The following NRG3 variants were observed in gnomAD, a reference collection of about 807,000 sequenced individuals.
The protein encoded by NRG3 is pro-neuregulin-3, membrane-bound isoform.
Under a neutral mutation model 66.9 loss-of-function variants are expected in NRG3, and 31 were observed. The observed-to-expected ratio is 0.46, with a 90% confidence interval of 0.35 to 0.63. The LOEUF (loss-of-function observed/expected upper bound fraction) is 0.63. Ranked by LOEUF, NRG3 falls within the 20% of genes least tolerant of loss-of-function variation. The probability of loss-of-function intolerance (pLI) is 0.00; values close to 1 mark genes in which losing one functional copy is unlikely to be tolerated. For synonymous variants in NRG3, 393 were observed against 359.4 expected (o/e 1.09, Z -1.06); for missense variants, 910 against 878.9 (o/e 1.04, Z -0.45).
chr10:82,678,677 T>C (rs542966997), intron 2 of NRG3, among the ~76,000 whole-genome samples: 130 of 152,194 alleles, frequency 8.5e-4, no homozygotes, highest in African/African-American at 3.0e-3. Flanking sequence ...CATTCTTAGA[T>C]TGGGGGCCCC....
intron 4 of NRG3, among the ~76,000 whole-genome samples, chr10:82,881,382 CTGT>C (rs1179281686): frequency 6.6e-6 from 1 of 152,224 alleles, no homozygotes; most frequent in Non-Finnish European, 1.5e-5. Context: ...GTAATAACAG[CTGT>C]GTCTTTATCT....
chr10:82,517,081 G>A (rs974622547), intron 2 of NRG3, among the ~76,000 whole-genome samples: 2 of 151,932 alleles, frequency 1.3e-5, no homozygotes, highest in Non-Finnish European at 2.9e-5. Flanking sequence ...GAATTTCAGT[G>A]AAAATACTTT....
chr10:82,980,564 T>A (rs1034707294), intron 8 of NRG3, among the ~76,000 whole-genome samples: 5 of 152,210 alleles, frequency 3.3e-5, no homozygotes, highest in African/African-American at 1.2e-4. Flanking sequence ...GGGTTACGTC[T>A]AGCACAGAGC....
At chr10:82,564,313 C>T (rs1215992620) in intron 2 of NRG3, among the ~76,000 whole-genome samples, 1 of 152,086 alleles carries the variant, frequency 6.6e-6, no homozygotes, top group Non-Finnish European at 1.5e-5. Flanking sequence ...TTGCATATTT[C>T]TTTGGATGGA....
At chr10:82,617,319 CAT>C (rs1216137311) in intron 2 of NRG3, among the ~76,000 whole-genome samples, 10 of 150,314 alleles carry the variant, frequency 6.7e-5, no homozygotes, top group Non-Finnish European at 1.5e-4. Context: ...CACACGCACA[CAT>C]AGACACACAC....
chr10:82,167,631 C>T (rs2072193604), intron 1 of NRG3, among the ~76,000 whole-genome samples: 1 of 152,070 alleles, frequency 6.6e-6, no homozygotes, highest in African/African-American at 2.4e-5. Context: ...TATCTCCTAG[C>T]ACACATGGGC....
At chr10:82,233,831 C>T (rs896109985) in intron 1 of NRG3, among the ~76,000 whole-genome samples, 1 of 152,124 alleles carries the variant, frequency 6.6e-6, no homozygotes, top group African/African-American at 2.4e-5. Context: ...CATTTAAGAA[C>T]CTTTTAACCA....
intron 2 of NRG3, among the ~76,000 whole-genome samples, chr10:82,398,942 C>T (rs925878622): frequency 6.6e-6 from 1 of 152,106 alleles, no homozygotes; most frequent in Admixed American, 6.6e-5. Context: ...GCAGGATACA[C>T]CAATTGCTTA....
chr10:82,321,877 T>C (rs772146452), intron 1 of NRG3, among the ~76,000 whole-genome samples: 7 of 152,226 alleles, frequency 4.6e-5, no homozygotes, highest in Non-Finnish European at 8.8e-5. Flanking sequence ...GTATTCTTGT[T>C]GGGCAGTCAC....
chr10:82,192,649 A>G (rs771373790), intron 1 of NRG3, among the ~76,000 whole-genome samples: 10 of 152,126 alleles, frequency 6.6e-5, no homozygotes, highest in Non-Finnish European at 1.0e-4. Flanking sequence ...TTATTTGTCT[A>G]TCTAGATGAA....
At chr10:82,358,248 A>C (rs1456402179) in intron 1 of NRG3, among the ~76,000 whole-genome samples, 1 of 151,732 alleles carries the variant, frequency 6.6e-6, no homozygotes, top group Non-Finnish European at 1.5e-5. Flanking sequence ...AAGTGAAAGA[A>C]TAATTGGCTT....
At chr10:82,015,284 C>G (rs79499764) in intron 1 of NRG3, among the ~76,000 whole-genome samples, 1 of 152,116 alleles carries the variant, frequency 6.6e-6, no homozygotes, top group Non-Finnish European at 1.5e-5. Context: ...ACCTTTGGAA[C>G]ATGTAATGTA....
At chr10:82,531,709 C>A (rs879649362) in intron 2 of NRG3, among the ~76,000 whole-genome samples, 1 of 151,802 alleles carries the variant, frequency 6.6e-6, no homozygotes, top group Non-Finnish European at 1.5e-5. Flanking sequence ...CACATGTACT[C>A]TCAACAAATA....
At chr10:82,951,601 G>T (rs752844617) in intron 5 of NRG3, 30 bp downstream of exon 5, 16 of 1,581,436 alleles carry the variant, frequency 1.0e-5, no homozygotes, top group African/African-American at 6.7e-5. Context: ...GTGTTTAAAG[G>T]TTACTTTTAG....
chr10:82,132,549 C>CATATATATATGATATATATGATATATA (rs1554831283), intron 1 of NRG3, among the ~76,000 whole-genome samples: 6 of 16,382 alleles, frequency 3.7e-4, no homozygotes, highest in Non-Finnish European at 8.1e-4. Flanking sequence ...ATATATATAT[C>CATATATATATGATATATATGATATATA]TTTGTCTGGT....
intron 4 of NRG3, among the ~76,000 whole-genome samples, chr10:82,897,387 A>G (rs1470222067): frequency 1.3e-5 from 2 of 152,220 alleles, no homozygotes; most frequent in African/African-American, 4.8e-5. Context: ...CCATCACTGA[A>G]TTCACAGTAA....
At chr10:82,913,881 C>A (rs1845572460) in intron 4 of NRG3, among the ~76,000 whole-genome samples, 1 of 152,162 alleles carries the variant, frequency 6.6e-6, no homozygotes, top group East Asian at 1.9e-4. Context: ...ACTTCAAAAC[C>A]TTTTCTATAT....
chr10:82,681,316 T>C (rs763074112), intron 2 of NRG3, among the ~76,000 whole-genome samples: 1 of 152,220 alleles, frequency 6.6e-6, no homozygotes, highest in Non-Finnish European at 1.5e-5. Flanking sequence ...AAACTGGAGA[T>C]AATAATTGAC....
At chr10:82,605,243 C>A (rs564108415) in intron 2 of NRG3, among the ~76,000 whole-genome samples, 2 of 152,066 alleles carry the variant, frequency 1.3e-5, no homozygotes, top group South Asian at 4.2e-4. Flanking sequence ...GAGGTTTTAT[C>A]ATGAAATGGT....
Sources: allele counts gnomAD v4.1 joint callset (sites outside exome capture counted in the v4.1 genomes callset), GRCh38; gene constraint gnomAD v4.1.1; transcripts MANE v1.5; gene names NCBI Gene and HGNC (gene_info 2026-07-23, HGNC 2026-07-21).